The following ERC2 variants were observed in gnomAD, a reference collection of about 807,000 sequenced individuals.
The protein encoded by ERC2 is ELKS/RAB6-interacting/CAST family member 2.
In ERC2, 42 loss-of-function variants were observed where a neutral mutation model predicts 114.8. The observed-to-expected ratio is 0.37, with a 90% CI of 0.29 to 0.47. The LOEUF is 0.47. Ranked by LOEUF, ERC2 falls within the 20% of genes least tolerant of loss-of-function variation. The pLI is 0.99. For missense variants in ERC2, 939 were observed against 1,150.7 expected (o/e 0.82, Z 2.66); for synonymous variants, 454 against 425.5 (o/e 1.07, Z -0.82).
intron 17 of ERC2, among the ~76,000 whole-genome samples, chr3:55,518,298 T>TA (rs1364168626): frequency 6.6e-6 from 1 of 152,230 alleles, no homozygotes; most frequent in Non-Finnish European, 1.5e-5. Flanking sequence ...CTATATAAGA[T>TA]ATGAACACTT....
chr3:55,953,755 A>T (rs1375365672), intron 12 of ERC2, among the ~76,000 whole-genome samples: 2 of 152,168 alleles, frequency 1.3e-5, no homozygotes, highest in African/African-American at 4.8e-5. Context: ...CTTAGAGAAG[A>T]GAAAATGCCC....
chr3:55,927,424 G>C (rs1048335140), intron 13 of ERC2, among the ~76,000 whole-genome samples: 2 of 151,952 alleles, frequency 1.3e-5, no homozygotes, highest in African/African-American at 2.4e-5. Context: ...GCTTTTTATG[G>C]CAGGGGGTGT....
At chr3:56,419,339 G>T (rs945835395) in intron 2 of ERC2, among the ~76,000 whole-genome samples, 2 of 152,158 alleles carry the variant, frequency 1.3e-5, no homozygotes, top group Non-Finnish European at 2.9e-5. Flanking sequence ...TGGAATTTTC[G>T]TACCCAGAGA....
At chr3:56,271,550 A>G (rs1286136647) in intron 3 of ERC2, among the ~76,000 whole-genome samples, 1 of 152,166 alleles carries the variant, frequency 6.6e-6, no homozygotes, top group Non-Finnish European at 1.5e-5. Flanking sequence ...GGCCCAAACT[A>G]AACTTTCTAT....
rs114351223 is a variant in ERC2, at chr3:55,810,080, C to T, written c.2565-75162G>A. 6.2e-3 allele frequency among the ~76,000 whole-genome samples: 941 copies of T among 152,276 alleles called. 16 individuals carry two copies. Among genetic ancestry groups the T allele is most frequent in the African/African-American group, 0.021 (890 of 41,566 alleles). Reference sequence around the variant, plus strand: ...ACTGGCATGTCTACAAATCATCAGGCAACTACTGTACATTTTAAAAATCCA... The same window carrying T: ...ACTGGCATGTCTACAAATCATCAGGTAACTACTGTACATTTTAAAAATCCA... On this transcript the variant is annotated intron_variant, in intron 14 of 17. Transcript: ENST00000288221.
chr3:56,093,069 A>G (rs563744472), intron 6 of ERC2, among the ~76,000 whole-genome samples: 34 of 152,292 alleles, frequency 2.2e-4, no homozygotes, highest in African/African-American at 7.9e-4. Context: ...TTTGTAAATG[A>G]CTAACAAATT....
chr3:55,866,275 A>G (rs1002790853), intron 14 of ERC2, among the ~76,000 whole-genome samples: 29 of 152,136 alleles, frequency 1.9e-4, no homozygotes, highest in African/African-American at 7.0e-4. Context: ...TGTCTATTCA[A>G]ATCCCTTGCC....
chr3:56,047,843 C>A (rs1031381241), intron 7 of ERC2, among the ~76,000 whole-genome samples: 1 of 152,204 alleles, frequency 6.6e-6, no homozygotes, highest in Admixed American at 6.5e-5. Context: ...AAATAAGGGG[C>A]AAGTGGCTAA....
intron 17 of ERC2, among the ~76,000 whole-genome samples, chr3:55,628,009 A>T (rs2148617560): frequency 6.6e-6 from 1 of 151,184 alleles, no homozygotes; most frequent in South Asian, 2.1e-4. Context: ...TAAGTTTAGA[A>T]TTTTTTTCAG....
At chr3:56,384,675 G>A (rs1220128531) in intron 2 of ERC2, among the ~76,000 whole-genome samples, 1 of 152,014 alleles carries the variant, frequency 6.6e-6, no homozygotes, top group Non-Finnish European at 1.5e-5. Flanking sequence ...CCTTGATAGT[G>A]TTTTTGATGT....
chr3:56,054,286 A>G (rs2075904376), intron 7 of ERC2, among the ~76,000 whole-genome samples: 1 of 152,222 alleles, frequency 6.6e-6, no homozygotes, highest in Admixed American at 6.5e-5. Flanking sequence ...TCTGCTTTGA[A>G]TTGGAATAAG....
Position 55,677,424 on chromosome 3 carries a change from C to T in ERC2, c.*39+6370G>A, listed in dbSNP as rs578021078. Among the ~76,000 whole-genome samples the T allele has an allele frequency of 2.6e-5, 4 of 152,258 alleles. No individual in the cohort carries two copies. The East Asian group carries it at 7.7e-4, about 29-fold the overall frequency. On this transcript the variant is annotated intron_variant, in intron 17 of 17. Coordinates refer to ENST00000288221, the MANE Select transcript of ERC2 (RefSeq NM_015576.3). ...TTCTTTTACCTCCCAAATTCAACAA[C>T]CCCAGTATCAACCACTTTCCTCTGT...
At chr3:55,961,959 C>A (rs1428468411) in intron 12 of ERC2, among the ~76,000 whole-genome samples, 1 of 151,954 alleles carries the variant, frequency 6.6e-6, no homozygotes, top group Non-Finnish European at 1.5e-5. Context: ...CACCGCCAAG[C>A]CACACTGGCC....
chr3:56,205,374 G>A (rs1055901076), intron 3 of ERC2, among the ~76,000 whole-genome samples: 3 of 152,122 alleles, frequency 2.0e-5, no homozygotes, highest in Non-Finnish European at 4.4e-5. Flanking sequence ...CTCTTAGAAA[G>A]AGGAGTATCT....
intron 7 of ERC2, among the ~76,000 whole-genome samples, chr3:56,043,010 T>C (rs1466214031): frequency 6.6e-6 from 1 of 152,174 alleles, no homozygotes; most frequent in Admixed American, 6.5e-5. Flanking sequence ...AAAATATTAA[T>C]AAGTGATTAC....
intron 14 of ERC2, among the ~76,000 whole-genome samples, chr3:55,818,878 T>C (rs1304606675): frequency 6.6e-6 from 1 of 152,236 alleles, no homozygotes; most frequent in Non-Finnish European, 1.5e-5. Context: ...GGAAAGCATT[T>C]CAGAGTTAAT....
chr3:55,846,635 T>A (rs2061372651), intron 14 of ERC2, among the ~76,000 whole-genome samples: 1 of 151,146 alleles, frequency 6.6e-6, no homozygotes. Context: ...GTGTTCCCCT[T>A]TCTCTGATAT....
chr3:55,619,581 T>A (rs1038763825), intron 17 of ERC2, among the ~76,000 whole-genome samples: 1 of 152,184 alleles, frequency 6.6e-6, no homozygotes, highest in African/African-American at 2.4e-5. Context: ...ACGATAATAA[T>A]AAAACCAAAA....
At chr3:56,361,608 A>G (rs1429450827) in intron 2 of ERC2, among the ~76,000 whole-genome samples, 3 of 152,214 alleles carry the variant, frequency 2.0e-5, no homozygotes, top group African/African-American at 7.2e-5. Context: ...CAACCAAAAA[A>G]TAAAAACAAA....
Sources: allele counts gnomAD v4.1 joint callset (sites outside exome capture counted in the v4.1 genomes callset), GRCh38; gene constraint gnomAD v4.1.1; transcripts MANE v1.5; gene names NCBI Gene and HGNC (gene_info 2026-07-23, HGNC 2026-07-21).